The following KIZ variants were observed in gnomAD, a reference collection of about 807,000 sequenced individuals.
The protein encoded by KIZ is centrosomal protein kizuna.
KIZ carries 68 observed loss-of-function variants against 79.6 expected under a neutral mutation model. That is an observed-to-expected ratio of 0.85 (90% CI 0.70 to 1.05). The LOEUF (loss-of-function observed/expected upper bound fraction) is 1.05. KIZ is among the 50% of genes least tolerant of loss of function. The probability of loss-of-function intolerance (pLI) is 0.00; values close to 1 mark genes in which losing one functional copy is unlikely to be tolerated. For synonymous variants in KIZ, 280 were observed against 281.8 expected, an observed-to-expected ratio of 0.99 and a Z score of 0.06; for missense variants, 797 against 800.4, an observed-to-expected ratio of 1.00 and a Z score of 0.05.
intron 3 of KIZ, among the ~76,000 whole-genome samples, chr20:21,140,749 T>G (rs1275149501): frequency 6.6e-6 from 1 of 151,972 alleles, no homozygotes; most frequent in African/African-American, 2.4e-5. Flanking sequence ...GAGGCTGAGG[T>G]GGGAGGATCA....
intron 6 of KIZ, among the ~76,000 whole-genome samples, chr20:21,183,854 C>T (rs77015176): frequency 6.6e-6 from 1 of 152,168 alleles, no homozygotes. Context: ...TCTCTGTTTC[C>T]CTCTGATCTA....
rs765295494 is a variant in KIZ at position 21,214,557 on chromosome 20, C to A, written c.1469C>A (p.Ala490Asp). The part of the protein sequence containing the change: ...KEEATALLRK[A>D]LTEECGRRSA... ...TAGGCAACAGCATTATTGAGAAAAG[C>A]CCTTACAGAAGAGTGTGGCCGTAGG... Residue 490 changes from alanine (A) to aspartate (D), a missense_variant, in exon 8 of 13, where the codon GCC becomes GAC. Coordinates refer to ENST00000619189, the MANE Select transcript of KIZ (RefSeq NM_018474.6). 6.2e-7 allele frequency: 1 copy of A among 1,613,090 alleles called. No individual in the cohort carries two copies. The highest frequency in any genetic ancestry group is 8.5e-7 in the Non-Finnish European group (1 of 1,179,430).
intron 11 of KIZ, among the ~76,000 whole-genome samples, chr20:21,233,368 C>T (rs1171132795): frequency 6.6e-6 from 1 of 152,092 alleles, no homozygotes; most frequent in Non-Finnish European, 1.5e-5. Context: ...AACTGTAGCA[C>T]TCGCTTCTTG....
intron 4 of KIZ, among the ~76,000 whole-genome samples, chr20:21,150,655 T>A (rs1053440936): frequency 6.6e-6 from 1 of 152,240 alleles, no homozygotes; most frequent in African/African-American, 2.4e-5. Flanking sequence ...TTACACAAAT[T>A]GTATTTCAAG....
intron 2 of KIZ, among the ~76,000 whole-genome samples, chr20:21,135,326 G>C (rs567814056): frequency 1.3e-5 from 2 of 152,170 alleles, no homozygotes; most frequent in African/African-American, 4.8e-5. Context: ...GAGTGTGAAC[G>C]ACAGTATGTT....
At chr20:21,139,478 A>G (rs1158328207) in intron 3 of KIZ, among the ~76,000 whole-genome samples, 2 of 152,228 alleles carry the variant, frequency 1.3e-5, no homozygotes, top group African/African-American at 4.8e-5. Flanking sequence ...AGTTGTCATT[A>G]TCAATGTTGT....
intron 6 of KIZ, among the ~76,000 whole-genome samples, chr20:21,200,710 T>C (rs1204242620): frequency 1.3e-5 from 2 of 152,128 alleles, no homozygotes; most frequent in Non-Finnish European, 2.9e-5. Flanking sequence ...TCCTGCTTTG[T>C]GGCCCAGTTC....
In KIZ at chr20:21,169,696, T is replaced by A. The variant is rs551731617; in HGVS notation, c.1352+6537T>A. Among the ~76,000 whole-genome samples, 3 of 152,344 alleles carry A rather than the reference T, an allele frequency of 2.0e-5. No individual in the cohort carries two copies. The East Asian group carries it at 5.8e-4, about 29-fold the overall frequency. On this transcript the variant is annotated intron_variant, in intron 6 of 12. Transcript: ENST00000619189. ...AACCAACCCAAAAAAATAGTTTCTC[T>A]ACTTGAAAATGACCTGTGCTCCATC...
At chr20:21,232,046 C>T (rs539328991) in intron 10 of KIZ, among the ~76,000 whole-genome samples, 1 of 152,350 alleles carries the variant, frequency 6.6e-6, no homozygotes, top group Non-Finnish European at 1.5e-5. Context: ...CAAAGATGCC[C>T]ATGCATGCTG....
chr20:21,176,070 G>T (rs2122856041), intron 6 of KIZ, among the ~76,000 whole-genome samples: 2 of 152,276 alleles, frequency 1.3e-5, no homozygotes, highest in East Asian at 3.9e-4. Flanking sequence ...AGCACTTTGG[G>T]AGGCCAAGAC....
chr20:21,214,107 A>C (rs1828445863), intron 7 of KIZ: 2 of 154,134 alleles, frequency 1.3e-5, no homozygotes, highest in Admixed American at 1.3e-4. Flanking sequence ...TCTCAGTTGA[A>C]AGTAATTCTG....
intron 6 of KIZ, among the ~76,000 whole-genome samples, chr20:21,191,190 C>G (rs978086915): frequency 1.1e-4 from 17 of 152,316 alleles, no homozygotes; most frequent in African/African-American, 3.8e-4. Flanking sequence ...TACTAGGTAT[C>G]CATCTCATGC....
At chr20:21,235,523 G>T (rs2036974915) in intron 11 of KIZ, among the ~76,000 whole-genome samples, 1 of 152,144 alleles carries the variant, frequency 6.6e-6, no homozygotes, top group Non-Finnish European at 1.5e-5. Context: ...CTTTTGTTCA[G>T]GGGTGCATGC....
chr20:21,176,556 G>T (rs2034443315), intron 6 of KIZ, among the ~76,000 whole-genome samples: 1 of 123,958 alleles, frequency 8.1e-6, no homozygotes, highest in African/African-American at 3.0e-5. Flanking sequence ...AACATTACAA[G>T]GCACAAAAAA....
intron 9 of KIZ, among the ~76,000 whole-genome samples, chr20:21,224,063 G>A (rs755929632): frequency 6.6e-6 from 1 of 151,978 alleles, no homozygotes; most frequent in Non-Finnish European, 1.5e-5. Context: ...GCGCGATCTC[G>A]GGTCACCGCA....
At chr20:21,230,379 G>A (rs1409195769) in intron 10 of KIZ, among the ~76,000 whole-genome samples, 1 of 152,198 alleles carries the variant, frequency 6.6e-6, no homozygotes, top group African/African-American at 2.4e-5. Context: ...AGAGGCTAAG[G>A]TGGGAGGATC....
intron 12 of KIZ, 55 bp downstream of exon 12, chr20:21,244,343 CTG>C (rs1172009954): frequency 5.6e-6 from 7 of 1,243,720 alleles, no homozygotes; most frequent in Non-Finnish European, 2.4e-6. Context: ...CCAAAAAACT[CTG>C]TGACATGCAT....
chr20:21,131,804 C>T, intron 1 of KIZ: 4 of 242,246 alleles, frequency 1.7e-5, no homozygotes, highest in Non-Finnish European at 3.2e-5. Flanking sequence ...ATTGCATTTC[C>T]CCATTTACTT....
At chr20:21,217,208 C>A (rs1044437690) in intron 9 of KIZ, among the ~76,000 whole-genome samples, 1 of 152,156 alleles carries the variant, frequency 6.6e-6, no homozygotes, top group Non-Finnish European at 1.5e-5. Context: ...CTGTCCTTGC[C>A]AGTGTACTAT....
Sources: gnomAD v4.1 joint callset for allele counts (sites outside exome capture counted in the v4.1 genomes callset) on GRCh38, gnomAD v4.1.1 for gene constraint, MANE v1.5 for transcripts, NCBI Gene and HGNC (gene_info 2026-07-23, HGNC 2026-07-21) for gene names.